Variants in CIMIP7 observed in about 807,000 individuals in gnomAD.
CIMIP7 encodes the protein ciliary microtubule inner protein 7, also known as uncharacterized protein C3orf84.
At chr3:49,190,087 C>T in the CIMIP7 span, 1 of 1,611,736 alleles carries the variant, frequency 6.2e-7, no homozygotes, top group South Asian at 1.1e-5. Flanking sequence ...TATTCTCTAG[C>T]ACTTTCACTC....
the CIMIP7 span, among the ~76,000 whole-genome samples, chr3:49,186,055 C>T: frequency 6.8e-6 from 1 of 148,014 alleles, no homozygotes; most frequent in African/African-American, 2.5e-5. Flanking sequence ...GGCTGAAGTG[C>T]AATGGCGCAA....
the CIMIP7 span, among the ~76,000 whole-genome samples, chr3:49,187,168 A>C: frequency 6.6e-6 from 1 of 152,170 alleles, no homozygotes; most frequent in African/African-American, 2.4e-5. Context: ...GCTTGGTGAG[A>C]AGCACAGTCA....
the CIMIP7 span, among the ~76,000 whole-genome samples, chr3:49,186,513 C>T: frequency 1.3e-5 from 2 of 152,072 alleles, no homozygotes; most frequent in Admixed American, 6.6e-5. Context: ...ACACCATTCT[C>T]CTGCCTCAGC....
the CIMIP7 span, among the ~76,000 whole-genome samples, chr3:49,191,169 C>G: frequency 6.6e-6 from 1 of 152,186 alleles, no homozygotes; most frequent in Non-Finnish European, 1.5e-5. Flanking sequence ...AATTATAACA[C>G]TGAGCAGAAG....
At chr3:49,182,382 G>C in the CIMIP7 span, among the ~76,000 whole-genome samples, 4 of 152,290 alleles carry the variant, frequency 2.6e-5, 1 homozygote, top group African/African-American at 9.6e-5. Context: ...GCTAGATACA[G>C]AGTGTGGACA....
the CIMIP7 span, chr3:49,178,652 C>G: frequency 1.2e-6 from 1 of 803,974 alleles, no homozygotes; most frequent in South Asian, 1.5e-5. Context: ...GGAGCCACTG[C>G]CCCTAAGCTG....
the CIMIP7 span, among the ~76,000 whole-genome samples, chr3:49,179,135 C>T: frequency 6.6e-6 from 1 of 152,190 alleles, no homozygotes; most frequent in African/African-American, 2.4e-5. Context: ...CAGCCAGATC[C>T]TGTCAAACAC....
the CIMIP7 span, among the ~76,000 whole-genome samples, chr3:49,180,071 G>A: frequency 3.3e-5 from 5 of 152,134 alleles, no homozygotes; most frequent in Non-Finnish European, 7.3e-5. Context: ...TCAGGAGTTC[G>A]AGACCAACCT....
At chr3:49,181,187 C>T in the CIMIP7 span, among the ~76,000 whole-genome samples, 20 of 150,368 alleles carry the variant, frequency 1.3e-4, no homozygotes, top group Admixed American at 1.3e-3. Flanking sequence ...ACTGAAAATA[C>T]AAAAATTAGC....
chr3:49,187,281 G>A, the CIMIP7 span, among the ~76,000 whole-genome samples: 3 of 152,196 alleles, frequency 2.0e-5, no homozygotes, highest in African/African-American at 7.2e-5. Flanking sequence ...CAACGAGGTG[G>A]TAAAATCCAT....
At chr3:49,184,045 T>C in the CIMIP7 span, among the ~76,000 whole-genome samples, 4 of 152,252 alleles carry the variant, frequency 2.6e-5, no homozygotes, top group Admixed American at 2.6e-4. Flanking sequence ...GTTGCCAGGC[T>C]GGAGTGCGGT....
chr3:49,179,609 C>G, the CIMIP7 span, among the ~76,000 whole-genome samples: 1 of 152,170 alleles, frequency 6.6e-6, no homozygotes, highest in Non-Finnish European at 1.5e-5. Flanking sequence ...TCCCTCACAC[C>G]TCCCTCTTTT....
chr3:49,183,866 T>C, the CIMIP7 span, among the ~76,000 whole-genome samples: 2 of 152,212 alleles, frequency 1.3e-5, no homozygotes, highest in Admixed American at 6.5e-5. Flanking sequence ...AACTGGTACA[T>C]TGGTACCAAG....
At chr3:49,186,058 T>C in the CIMIP7 span, among the ~76,000 whole-genome samples, 1 of 149,398 alleles carries the variant, frequency 6.7e-6, no homozygotes, top group African/African-American at 2.5e-5. Flanking sequence ...TGAAGTGCAA[T>C]GGCGCAATCT....
the CIMIP7 span, chr3:49,177,639 G>T: frequency 1.3e-6 from 2 of 1,573,472 alleles, no homozygotes; most frequent in Non-Finnish European, 1.7e-6. Context: ...TGCTGTGTCA[G>T]CTGTCCTTGT....
At chr3:49,185,349 G>A in the CIMIP7 span, among the ~76,000 whole-genome samples, 9 of 151,944 alleles carry the variant, frequency 5.9e-5, no homozygotes, top group East Asian at 3.9e-4. Context: ...TGGATCACCC[G>A]AGATCAGGAG....
chr3:49,179,737 G>A, the CIMIP7 span, among the ~76,000 whole-genome samples: 6 of 152,112 alleles, frequency 3.9e-5, no homozygotes, highest in South Asian at 8.3e-4. Context: ...CTCATGCCCC[G>A]CCATTAAACA....
the CIMIP7 span, among the ~76,000 whole-genome samples, chr3:49,182,226 G>C: frequency 6.6e-6 from 1 of 152,186 alleles, no homozygotes; most frequent in African/African-American, 2.4e-5. Flanking sequence ...CTGCTGGCTG[G>C]GGCAGCCTGC....
chr3:49,189,859 AC>A, the CIMIP7 span: 4 of 754,728 alleles, frequency 5.3e-6, no homozygotes, highest in African/African-American at 1.7e-5. Flanking sequence ...ACTCTTTTCC[AC>A]CCTGTCTGTA....
Sources: gnomAD v4.1 joint callset for allele counts (sites outside exome capture counted in the v4.1 genomes callset) on GRCh38, gnomAD v4.1.1 for gene constraint, MANE v1.5 for transcripts, NCBI Gene and HGNC (gene_info 2026-07-23, HGNC 2026-07-21) for gene names.